EYS: variants seen among roughly 807,000 people sequenced by gnomAD.
The protein encoded by EYS is protein eyes shut homolog.
A neutral mutation model predicts 282.1 loss-of-function variants in EYS; 250 were observed. The ratio of observed to expected loss-of-function variants is 0.89; its 90% CI spans 0.80 to 0.98. The LOEUF (loss-of-function observed/expected upper bound fraction) is 0.98. Among genes scored for constraint, EYS ranks in the 50% least tolerant of loss-of-function variants. The pLI is 0.00. For synonymous variants in EYS, 1,355 were observed against 1,282.9 expected (o/e 1.06, Z -1.20); for missense variants, 4,016 against 3,709.0 (o/e 1.08, Z -2.15).
chr6:65,698,984 A>T (rs1479302792), intron 1 of EYS, among the ~76,000 whole-genome samples: 1 of 152,206 alleles, frequency 6.6e-6, no homozygotes, highest in Non-Finnish European at 1.5e-5. Context: ...CAATAAGTAG[A>T]ACAAAATCAC....
At chr6:64,284,452 C>T (rs1339080789) in intron 30 of EYS, among the ~76,000 whole-genome samples, 2 of 152,116 alleles carry the variant, frequency 1.3e-5, no homozygotes, top group African/African-American at 4.8e-5. Context: ...CTCCCAGTTG[C>T]TTTCATGGGC....
At chr6:65,243,162 T>C (rs1315952149) in intron 12 of EYS, among the ~76,000 whole-genome samples, 2 of 152,232 alleles carry the variant, frequency 1.3e-5, no homozygotes, top group Admixed American at 6.5e-5. Context: ...ATTCATTCAC[T>C]TGTTTTTTTG....
At chr6:63,934,649 A>G (rs1270412411) in intron 35 of EYS, among the ~76,000 whole-genome samples, 1 of 151,824 alleles carries the variant, frequency 6.6e-6, no homozygotes, top group African/African-American at 2.4e-5. Flanking sequence ...TATCGCAAGG[A>G]CAAAAAACCA....
chr6:65,199,827 G>A lies in EYS; in HGVS notation c.2023+96036C>T, dbSNP rs149804502. Among the ~76,000 whole-genome samples the A allele has an allele frequency of 5.3e-5, 8 of 152,196 alleles. No homozygotes were observed. The East Asian group carries it at 1.5e-3, about 29-fold the overall frequency. On this transcript the variant is annotated intron_variant, in intron 12 of 42. Coordinates refer to ENST00000503581, the MANE Select transcript of EYS (RefSeq NM_001142800.2). ...TTTGCATTACACCTAGTCATCATTTGAAAGGCACCAAGGATGCATGGAGGA... is the reference window on the plus strand; with the variant it reads ...TTTGCATTACACCTAGTCATCATTTAAAAGGCACCAAGGATGCATGGAGGA...
chr6:64,492,856 G>GT (rs1310745165), intron 26 of EYS, among the ~76,000 whole-genome samples: 1 of 151,334 alleles, frequency 6.6e-6, no homozygotes, highest in Non-Finnish European at 1.5e-5. Context: ...CAAACTGAAT[G>GT]TTTCAGTCAG....
rs931683118 is a variant in EYS, at chr6:64,627,944, G to A, written c.3444-1699C>T. On this transcript the variant is annotated intron_variant, in intron 22 of 42. Transcript: ENST00000503581. ...AAATACAAAAAATTAGCCGGGCGTG[G>A]TGGCGGGCTTCTGTAGTCCCAGCTA... Among the ~76,000 whole-genome samples, 6 of 152,162 alleles carry A rather than the reference G, an allele frequency of 3.9e-5. No individual in the cohort carries two copies. The East Asian group carries it at 1.2e-3, about 29-fold the overall frequency.
At chr6:64,820,610 T>C (rs1055363478) in intron 21 of EYS, among the ~76,000 whole-genome samples, 23 of 152,096 alleles carry the variant, frequency 1.5e-4, no homozygotes, top group South Asian at 1.0e-3. Context: ...TGTCAGAAAA[T>C]GTGCTAATTG....
chr6:64,719,826 G>A (rs1379018854), intron 22 of EYS, among the ~76,000 whole-genome samples: 1 of 152,136 alleles, frequency 6.6e-6, no homozygotes, highest in African/African-American at 2.4e-5. Flanking sequence ...TCTTGAACCT[G>A]GGAGGTGGAG....
rs1236537482 is a variant in EYS, at chr6:64,230,590, A to G, written c.6424+2T>C. Reference sequence around the variant, plus strand: ...TACAAAAGGGTAATGAAGATTGATTACCTTTTTCACAGAAGCGGCCAGTGA... The same window carrying G: ...TACAAAAGGGTAATGAAGATTGATTGCCTTTTTCACAGAAGCGGCCAGTGA... On this transcript the variant is annotated splice_donor_variant, in intron 31 of 42. Coordinates refer to ENST00000503581, the MANE Select transcript of EYS (RefSeq NM_001142800.2). LOFTEE classifies it high-confidence loss of function. The G allele has an allele frequency of 1.3e-6, 2 of 1,540,590 alleles. No individual in the cohort carries two copies. The highest frequency in any genetic ancestry group is 1.8e-6 in the Non-Finnish European group (2 of 1,137,430).
intron 33 of EYS, among the ~76,000 whole-genome samples, chr6:64,045,546 A>G (rs1343578553): frequency 2.0e-5 from 3 of 151,346 alleles, no homozygotes; most frequent in Non-Finnish European, 4.4e-5. Context: ...CCTGGTTTCA[A>G]ACGATTCTCC....
intron 13 of EYS, among the ~76,000 whole-genome samples, chr6:65,043,092 G>A (rs1030876749): frequency 1.3e-5 from 2 of 151,232 alleles, no homozygotes; most frequent in Admixed American, 1.3e-4. Flanking sequence ...GTGATTTTTT[G>A]TTAAATCATA....
intron 2 of EYS, among the ~76,000 whole-genome samples, chr6:65,552,617 A>G (rs996917593): frequency 6.6e-6 from 1 of 152,156 alleles, no homozygotes; most frequent in African/African-American, 2.4e-5. Context: ...TTTTCAATTT[A>G]TTAATCATGT....
Position 64,857,538 on chromosome 6 carries a change from G to T in EYS, c.2992+29159C>A, listed in dbSNP as rs115651317. ...AAGACTTAGGTTGAGTCCATATTTT[G>T]TCTATCATGAATAATGCTGAAATGA... On this transcript the variant is annotated intron_variant, in intron 19 of 42. Coordinates refer to ENST00000503581, the MANE Select transcript of EYS (RefSeq NM_001142800.2). Among the ~76,000 whole-genome samples, 1,172 of 152,208 alleles carry T rather than the reference G, an allele frequency of 7.7e-3. 13 individuals are homozygous for T. The highest frequency in any genetic ancestry group is 0.026 in the African/African-American group (1,089 of 41,546).
chr6:65,638,815 C>T (rs1767180054), intron 2 of EYS, among the ~76,000 whole-genome samples: 2 of 152,214 alleles, frequency 1.3e-5, no homozygotes, highest in African/African-American at 4.8e-5. Context: ...CACAGCCTGG[C>T]AGGCTGACTG....
chr6:64,032,095 G>T (rs977827942), intron 33 of EYS, among the ~76,000 whole-genome samples: 1 of 152,174 alleles, frequency 6.6e-6, no homozygotes, highest in Non-Finnish European at 1.5e-5. Context: ...CGGGAGGAAT[G>T]AACAACTCCA....
At chr6:65,396,421 A>G (rs1296694293) in intron 7 of EYS, among the ~76,000 whole-genome samples, 1 of 151,926 alleles carries the variant, frequency 6.6e-6, no homozygotes, top group East Asian at 1.9e-4. Context: ...CATTGACCCT[A>G]CCAATCTTCA....
At chr6:65,128,254 A>T (rs529642109) in intron 12 of EYS, among the ~76,000 whole-genome samples, 1 of 152,114 alleles carries the variant, frequency 6.6e-6, no homozygotes, top group East Asian at 1.9e-4. Flanking sequence ...AGGAGAAGTG[A>T]GAGATTGAGA....
intron 31 of EYS, among the ~76,000 whole-genome samples, chr6:64,094,502 G>T (rs1772506958): frequency 6.6e-6 from 1 of 152,108 alleles, no homozygotes. Context: ...ATGTGTCGAG[G>T]AATTTATCCA....
chr6:65,164,189 T>C (rs1401612195), intron 12 of EYS, among the ~76,000 whole-genome samples: 1 of 151,420 alleles, frequency 6.6e-6, no homozygotes, highest in Non-Finnish European at 1.5e-5. Flanking sequence ...AAGACTACAA[T>C]CATTTAAATA....
Sources: gnomAD v4.1 joint callset for allele counts (sites outside exome capture counted in the v4.1 genomes callset) on GRCh38, gnomAD v4.1.1 for gene constraint, MANE v1.5 for transcripts, NCBI Gene and HGNC (gene_info 2026-07-23, HGNC 2026-07-21) for gene names.